MINDY4: variants seen among roughly 807,000 people sequenced by gnomAD.
MINDY4 encodes MINDY lysine 48 deubiquitinase 4, also known as probable ubiquitin carboxyl-terminal hydrolase MINDY-4.
MINDY4 carries 68 observed loss-of-function variants against 87.0 expected under a neutral mutation model. The observed-to-expected ratio is 0.78, with a 90% confidence interval of 0.64 to 0.96. MINDY4 has a LOEUF of 0.96. Ranked by LOEUF, MINDY4 falls within the 40% of genes least tolerant of loss-of-function variation. The pLI is 0.00. For missense variants in MINDY4, 919 were observed against 928.2 expected (o/e 0.99, Z 0.13); for synonymous variants, 379 against 363.2 (o/e 1.04, Z -0.50).
Position 30,782,142 on chromosome 7 carries a change from G to A in MINDY4, c.349G>A (p.Val117Ile). 6.2e-7 allele frequency: 1 copy of A among 1,614,044 alleles called. No individual in the cohort carries two copies. Among genetic ancestry groups the A allele is most frequent in the Non-Finnish European group, 8.5e-7 (1 of 1,180,004 alleles). Residue 117 changes from valine to isoleucine, a missense_variant, in exon 3 of 18, where the codon GTA (valine) becomes ATA (isoleucine). By Grantham distance (29) the Val-to-Ile change is conservative. Transcript: ENST00000265299. ...ATCAAGATGCTCAGAGACTACACTGGTAAATATATATGACCTTTCAGATGA... is the reference window on the plus strand; with the variant it reads ...ATCAAGATGCTCAGAGACTACACTGATAAATATATATGACCTTTCAGATGA... Reference protein sequence around the residue: ...VPSRCSETTLVNIYDLSDEDA... With the variant: ...VPSRCSETTLINIYDLSDEDA...
At chr7:30,779,520 A>G (rs981143660) in intron 2 of MINDY4, 2 of 152,230 alleles carry the variant, frequency 1.3e-5, no homozygotes, top group African/African-American at 4.8e-5. Context: ...CAATAAAATG[A>G]TATCTCATGT....
rs567873955 is a variant in MINDY4 at position 30,881,828 on chromosome 7, G to T, written c.1972-353G>T. Among the ~76,000 whole-genome samples, 5 of 152,348 alleles carry T rather than the reference G, an allele frequency of 3.3e-5. No individual in the cohort carries two copies. In the South Asian group the frequency reaches 8.3e-4, roughly 25 times the overall value. On this transcript the variant is annotated intron_variant, in intron 15 of 17. Coordinates refer to ENST00000265299, the MANE Select transcript of MINDY4 (RefSeq NM_032222.3). Reference sequence around the variant, plus strand: ...TTAGGAGGTCACTGCCGTGGTGCAGGTTGGAGGCTGAGTAGATCTCAGGAG... The same window carrying T: ...TTAGGAGGTCACTGCCGTGGTGCAGTTTGGAGGCTGAGTAGATCTCAGGAG...
intron 12 of MINDY4, among the ~76,000 whole-genome samples, chr7:30,853,968 G>A (rs1789494506): frequency 6.7e-6 from 1 of 150,020 alleles, no homozygotes; most frequent in Admixed American, 6.6e-5. Context: ...CTGGGTGGGG[G>A]CTCTGGAGCC....
intron 13 of MINDY4, among the ~76,000 whole-genome samples, chr7:30,866,161 C>T (rs1360228011): frequency 1.3e-5 from 2 of 150,954 alleles, no homozygotes; most frequent in African/African-American, 2.5e-5. Context: ...GAAGGGGGGC[C>T]ACACCCAGGC....
intron 1 of MINDY4, among the ~76,000 whole-genome samples, chr7:30,774,925 C>T (rs2128164364): frequency 1.3e-5 from 2 of 152,176 alleles, no homozygotes; most frequent in Middle Eastern, 6.8e-3. Flanking sequence ...CATCTATATG[C>T]TGACAATTCC....
chr7:30,799,417 C>T (rs547212867), intron 5 of MINDY4, among the ~76,000 whole-genome samples: 10 of 152,316 alleles, frequency 6.6e-5, no homozygotes, highest in South Asian at 6.2e-4. Flanking sequence ...TGGAATCACT[C>T]CCAGCCCTGA....
chr7:30,849,554 G>A (rs1165616870), intron 9 of MINDY4, among the ~76,000 whole-genome samples: 1 of 152,308 alleles, frequency 6.6e-6, no homozygotes, highest in East Asian at 1.9e-4. Context: ...GTTTGATACA[G>A]CTGACTGCCT....
intron 17 of MINDY4, among the ~76,000 whole-genome samples, chr7:30,883,695 G>A (rs1188461468): frequency 6.6e-6 from 1 of 152,316 alleles, no homozygotes; most frequent in Admixed American, 6.5e-5. Context: ...GCCCCGGCAG[G>A]CCCTTCACAA....
intron 6 of MINDY4, among the ~76,000 whole-genome samples, chr7:30,836,129 A>G (rs1261280448): frequency 1.3e-5 from 2 of 152,240 alleles, no homozygotes; most frequent in Non-Finnish European, 2.9e-5. Flanking sequence ...CTGTTGTGGA[A>G]GAAGGTGATC....
chr7:30,778,014 G>C (rs1786879984), intron 1 of MINDY4, among the ~76,000 whole-genome samples: 1 of 152,158 alleles, frequency 6.6e-6, no homozygotes, highest in Non-Finnish European at 1.5e-5. Context: ...GATGGTTACA[G>C]CCCCCACCTG....
intron 15 of MINDY4, among the ~76,000 whole-genome samples, chr7:30,879,845 G>C (rs756142811): frequency 6.6e-6 from 1 of 152,132 alleles, no homozygotes; most frequent in African/African-American, 2.4e-5. Context: ...ATGCAAACTT[G>C]CCCACATTTG....
chr7:30,793,190 G>T (rs1787377617), intron 5 of MINDY4, among the ~76,000 whole-genome samples: 1 of 143,920 alleles, frequency 6.9e-6, no homozygotes, highest in Admixed American at 6.9e-5. Context: ...CTTTATGATT[G>T]CAATCCTTTG....
chr7:30,840,886 C>T, intron 9 of MINDY4, 38 bp downstream of exon 9: 1 of 1,570,758 alleles, frequency 6.4e-7, no homozygotes, highest in Non-Finnish European at 8.7e-7. Flanking sequence ...CTTATTTTCC[C>T]AAGTCTTCCC....
At chr7:30,796,353 G>A (rs925595826) in intron 5 of MINDY4, among the ~76,000 whole-genome samples, 2 of 152,132 alleles carry the variant, frequency 1.3e-5, no homozygotes, top group Non-Finnish European at 2.9e-5. Flanking sequence ...TAGCTTTGGG[G>A]CCTGCTGTGG....
intron 13 of MINDY4, among the ~76,000 whole-genome samples, chr7:30,869,836 C>T (rs186791791): frequency 1.8e-4 from 27 of 152,248 alleles, no homozygotes; most frequent in African/African-American, 5.3e-4. Flanking sequence ...GGAGGGGAGA[C>T]CGAGGCCACA....
chr7:30,802,879 C>T (rs1432086245), intron 5 of MINDY4, among the ~76,000 whole-genome samples: 1 of 152,000 alleles, frequency 6.6e-6, no homozygotes, highest in Non-Finnish European at 1.5e-5. Flanking sequence ...AACCAACCAT[C>T]CAACCATCCA....
rs543838109 is a variant in MINDY4 at position 30,781,723 on chromosome 7, G to T, written c.184-254G>T. The T allele has an allele frequency of 8.7e-6, 4 of 459,468 alleles. No individual in the cohort carries two copies. The East Asian group carries it at 1.5e-4, about 18-fold the overall frequency. 28.5% of individuals were successfully genotyped at this position (459,468 alleles called of 1,614,324 possible). A position where few individuals can be genotyped will look rare whatever the true frequency, so the allele number is the denominator to read the frequency against. On this transcript the variant is annotated intron_variant, in intron 2 of 17. Transcript: ENST00000265299. The stretch of plus-strand genomic sequence containing the variant: ...TCTATTCCTATCACATTTTATTCTA[G>T]TTGTTTATTGAATCACCTGCCTCAT...
intron 13 of MINDY4, among the ~76,000 whole-genome samples, chr7:30,868,561 G>A (rs543619420): frequency 2.0e-5 from 3 of 152,360 alleles, no homozygotes; most frequent in South Asian, 2.1e-4. Flanking sequence ...AGAGAGCCCT[G>A]AGTCTGGGCT....
At position 30,872,264 on chromosome 7, in the gene MINDY4, C is replaced by T; in HGVS notation, c.1767C>T (p.Val589=). 1.2e-6 allele frequency: 2 copies of T among 1,614,084 alleles called. No homozygotes were observed. Among genetic ancestry groups the T allele is most frequent in the Non-Finnish European group, 1.7e-6 (2 of 1,179,978 alleles). The change falls in exon 14 of 18, where the codon GTC becomes GTT. Residue 589 remains valine, a synonymous_variant. Transcript: ENST00000265299. ...STELIRQDFD[V]PTSHLIGAHG... is the part of the protein sequence containing the mutation. ...CCAGCATCCGCCAGGACTTTGATGTCCCCACCAGCCACCTGATTGGAGCAC... is the reference window on the plus strand; with the variant it reads ...CCAGCATCCGCCAGGACTTTGATGTTCCCACCAGCCACCTGATTGGAGCAC...
Sources: allele counts gnomAD v4.1 joint callset (sites outside exome capture counted in the v4.1 genomes callset), GRCh38; gene constraint gnomAD v4.1.1; transcripts MANE v1.5; gene names NCBI Gene and HGNC (gene_info 2026-07-23, HGNC 2026-07-21).